Variants in MYL3 observed in about 807,000 individuals in gnomAD.
The protein encoded by MYL3 is CMLC1.
A neutral mutation model predicts 21.3 loss-of-function variants in MYL3; 11 were observed. The observed-to-expected ratio is 0.52, with a 90% CI of 0.32 to 0.85. The LOEUF is 0.85. Ranked by LOEUF, MYL3 falls within the 40% of genes least tolerant of loss-of-function variation. The probability of loss-of-function intolerance (pLI) is 0.03; values close to 1 mark genes in which losing one functional copy is unlikely to be tolerated. For synonymous variants in MYL3, 88 were observed against 91.6 expected (o/e 0.96, Z 0.22); for missense variants, 206 against 253.3 (o/e 0.81, Z 1.27).
chr3:46,876,126 T>C (rs1044692127), intron 1 of MYL3, among the ~76,000 whole-genome samples: 1 of 152,220 alleles, frequency 6.6e-6, no homozygotes, highest in African/African-American at 2.4e-5. Flanking sequence ...CAGATCCCCT[T>C]TGAGCCTGAA....
chr3:46,863,625 T>A (rs181392525), upstream of MYL3: 1 of 517,146 alleles, frequency 1.9e-6, no homozygotes, highest in Admixed American at 3.2e-5. Flanking sequence ...GGGATCTCCA[T>A]TCCTCCCAAT....
chr3:46,880,897 C>T (rs1405689042), intron 1 of MYL3, among the ~76,000 whole-genome samples: 1 of 152,198 alleles, frequency 6.6e-6, no homozygotes, highest in Non-Finnish European at 1.5e-5. Context: ...CAGATTTGCA[C>T]TGAGGGTTGG....
At chr3:46,869,566 CTA>C (rs1559522107) in intron 1 of MYL3, among the ~76,000 whole-genome samples, 1 of 152,210 alleles carries the variant, frequency 6.6e-6, no homozygotes, top group Non-Finnish European at 1.5e-5. Context: ...TGTGGATAGT[CTA>C]TGTGTGTGTA....
chr3:46,875,103 A>G (rs116311117), intron 1 of MYL3, among the ~76,000 whole-genome samples: 3,189 of 152,012 alleles, frequency 0.021, 54 homozygotes, highest in Non-Finnish European at 0.035. Flanking sequence ...GCTGGACAAG[A>G]TTTGGACCCC....
In MYL3 at chr3:46,861,094, C is replaced by A. The variant is rs931498399; in HGVS notation, c.130-107G>T. ...AGAATGTCAACTGTCTCAGCCTGTC[C>A]CATTCCAGCATCCCAGCCTGCACCC... On this transcript the variant is annotated intron_variant, in intron 1 of 6. Transcript: ENST00000292327. This position sits in a 1 kb window ranked among gnomAD's most constrained non-coding sequence, Gnocchi z 4.2. 3 of 1,337,216 alleles carry A rather than the reference C, an allele frequency of 2.2e-6. No homozygotes were observed. The Admixed American group carries it at 5.3e-5, about 24-fold the overall frequency. 82.8% of individuals were successfully genotyped at this position (1,337,216 alleles called of 1,614,324 possible).
At chr3:46,862,081 G>T (rs926020154) in intron 1 of MYL3, among the ~76,000 whole-genome samples, 4 of 152,194 alleles carry the variant, frequency 2.6e-5, no homozygotes, top group Admixed American at 2.6e-4. Context: ...TGCAACCTGG[G>T]GATGGGGGAA....
chr3:46,872,237 T>C (rs2029958340), intron 1 of MYL3, among the ~76,000 whole-genome samples: 1 of 152,306 alleles, frequency 6.6e-6, no homozygotes, highest in South Asian at 2.1e-4. Flanking sequence ...AACAATTGGC[T>C]GGAATTCTGC....
intron 1 of MYL3, among the ~76,000 whole-genome samples, chr3:46,872,186 G>C (rs1452713985): frequency 6.6e-6 from 1 of 152,186 alleles, no homozygotes; most frequent in Non-Finnish European, 1.5e-5. Context: ...AGGTCTCAGT[G>C]AGGGGCAGAG....
At chr3:46,877,046 C>G (rs913141943) in intron 1 of MYL3, among the ~76,000 whole-genome samples, 1 of 152,162 alleles carries the variant, frequency 6.6e-6, no homozygotes, top group Non-Finnish European at 1.5e-5. Flanking sequence ...ACAGCTTAAG[C>G]AGACCCTGGG....
Position 46,860,633 on chromosome 3 carries a change from C to G in MYL3, c.307+43G>C, listed in dbSNP as rs200526230. 248 of 1,608,282 alleles carry G rather than the reference C, an allele frequency of 1.5e-4. No homozygotes were observed. In the African/African-American group the frequency reaches 3.1e-3, roughly 20 times the overall value. ...GGATGGCAGCCCACCCAGCCAGTCTCCCCGGTACTAACACTATGGGGGCTC... is the reference window on the plus strand; with the variant it reads ...GGATGGCAGCCCACCCAGCCAGTCTGCCCGGTACTAACACTATGGGGGCTC... On this transcript the variant is annotated intron_variant, in intron 3 of 6. Transcript: ENST00000292327. This position sits in a 1 kb window ranked among gnomAD's most constrained non-coding sequence, Gnocchi z 4.6.
In MYL3 at chr3:46,860,108, C is replaced by T. The variant is rs1477893679; in HGVS notation, c.308-460G>A. ...TTTTTTTTAGCTTTAAAATTTTATTCATTTATGTATTTATTCATTCATTTA... is the reference window on the plus strand; with the variant it reads ...TTTTTTTTAGCTTTAAAATTTTATTTATTTATGTATTTATTCATTCATTTA... On this transcript the variant is annotated intron_variant, in intron 3 of 6. Transcript: ENST00000292327. The surrounding 1 kb of genome is among the most constrained non-coding windows in gnomAD (Gnocchi z 4.6). Among the ~76,000 whole-genome samples the T allele has an allele frequency of 6.7e-6, 1 of 150,102 alleles. No homozygotes were observed.
At chr3:46,866,519 C>T (rs1702049131), upstream of MYL3, 1 of 152,212 alleles carries the variant, frequency 6.6e-6, no homozygotes, top group African/African-American at 2.4e-5. Flanking sequence ...TGGCGTCTTC[C>T]GTGTGTCCGC....
intron 1 of MYL3, among the ~76,000 whole-genome samples, chr3:46,878,809 C>T (rs992288937): frequency 6.6e-6 from 1 of 152,140 alleles, no homozygotes; most frequent in Non-Finnish European, 1.5e-5. Context: ...GGGCCAGAGT[C>T]TGGCCCCTAC....
At chr3:46,865,097 C>T (rs965370215), upstream of MYL3, among the ~76,000 whole-genome samples, 3 of 152,170 alleles carry the variant, frequency 2.0e-5, no homozygotes, top group African/African-American at 7.2e-5. The surrounding 1 kb of genome is among the most constrained non-coding windows in gnomAD (Gnocchi z 4.3). Context: ...GGGCCTCTAC[C>T]TGGCACGCCC....
chr3:46,859,902 C>T lies in MYL3; in HGVS notation c.308-254G>A, dbSNP rs1421000361. Among the ~76,000 whole-genome samples, 1 of 152,190 alleles carries T rather than the reference C, an allele frequency of 6.6e-6. No homozygotes were observed. The highest frequency in any genetic ancestry group is 2.4e-5 in the African/African-American group (1 of 41,450). ...AAAGGGAGTTTGCTGCCCTGAGCCA[C>T]CACGGAGGGCTCTGTCCAGAACCCC... On this transcript the variant is annotated intron_variant, in intron 3 of 6. Transcript: ENST00000292327. This position sits in a 1 kb window ranked among gnomAD's most constrained non-coding sequence, Gnocchi z 4.1.
intron 1 of MYL3, among the ~76,000 whole-genome samples, chr3:46,872,458 C>A (rs1264485922): frequency 6.6e-6 from 1 of 151,380 alleles, no homozygotes; most frequent in African/African-American, 2.4e-5. Context: ...CCCCTCAGCC[C>A]ACCCCCAACC....
At chr3:46,871,311 C>T (rs2106923327) in intron 1 of MYL3, among the ~76,000 whole-genome samples, 1 of 152,188 alleles carries the variant, frequency 6.6e-6, no homozygotes, top group South Asian at 2.1e-4. Context: ...CCACTGCCTC[C>T]TCTCACCCCA....
chr3:46,871,741 AGC>A (rs2029922104), intron 1 of MYL3, among the ~76,000 whole-genome samples: 1 of 152,248 alleles, frequency 6.6e-6, no homozygotes, highest in African/African-American at 2.4e-5. Context: ...CCAGGAGCCC[AGC>A]TCTCTGCAGC....
Position 46,859,495 on chromosome 3 carries a change from C to T in MYL3, c.461G>A (p.Arg154His), listed in dbSNP as rs104893749. The change falls in exon 4 of 7, where the codon CGC becomes CAC. Residue 154 changes from arginine (R) to histidine (H), a missense_variant. Transcript: ENST00000292327. This position sits in a 1 kb window ranked among gnomAD's most constrained non-coding sequence, Gnocchi z 4.1. ...GNGTVMGAEL[R>H]HVLATLGERL... ...CTCACCCAGCGTGGCCAGCACGTGG[C>T]GAAGCTCAGCACCCATGACAGTGCC... 55 of 1,614,070 alleles carry T rather than the reference C, an allele frequency of 3.4e-5. No homozygotes were observed. Among genetic ancestry groups the T allele is most frequent in the Non-Finnish European group, 4.4e-5 (52 of 1,180,038 alleles).
Sources: allele counts gnomAD v4.1 joint callset (sites outside exome capture counted in the v4.1 genomes callset), GRCh38; gene constraint gnomAD v4.1.1; non-coding constraint Gnocchi (gnomAD v3.1); transcripts MANE v1.5; gene names NCBI Gene and HGNC (gene_info 2026-07-23, HGNC 2026-07-21).